The following CTNNA2 variants were observed in gnomAD, a reference collection of about 807,000 sequenced individuals.
CTNNA2 encodes catenin alpha 2.
Under a neutral mutation model 101.0 loss-of-function variants are expected in CTNNA2, and 42 were observed. The observed-to-expected ratio is 0.42, with a 90% CI of 0.32 to 0.54. The LOEUF (loss-of-function observed/expected upper bound fraction) is 0.54. CTNNA2 is among the 20% of genes least tolerant of loss of function. CTNNA2 has a pLI of 0.14. For missense variants in CTNNA2, 871 were observed against 1,223.1 expected (o/e 0.71, Z 4.29); for synonymous variants, 450 against 456.4 (o/e 0.99, Z 0.18).
rs115435800 is a variant in CTNNA2, at chr2:80,248,914, G to A, written c.1057-144297G>A. Among the ~76,000 whole-genome samples the A allele has an allele frequency of 9.6e-3, 1,458 of 152,262 alleles. 24 individuals carry two copies. The highest frequency in any genetic ancestry group is 0.033 in the African/African-American group (1,357 of 41,550). ...TACCATTGCTACTGATGAGGAATAAGGGAGGTGAAGGAATATTGTTTGATA... is the reference window on the plus strand; with the variant it reads ...TACCATTGCTACTGATGAGGAATAAAGGAGGTGAAGGAATATTGTTTGATA... On this transcript the variant is annotated intron_variant, in intron 7 of 18. Coordinates refer to ENST00000402739, the MANE Select transcript of CTNNA2 (RefSeq NM_001282597.3).
chr2:80,083,000 A>G (rs1382799867), intron 7 of CTNNA2, among the ~76,000 whole-genome samples: 1 of 152,120 alleles, frequency 6.6e-6, no homozygotes, highest in Non-Finnish European at 1.5e-5. Flanking sequence ...AAGCAGGGGT[A>G]TAGCTTCTTG....
chr2:79,394,730 A>T (rs1192192776), intron 4 of CTNNA2, among the ~76,000 whole-genome samples: 1 of 152,208 alleles, frequency 6.6e-6, no homozygotes, highest in Non-Finnish European at 1.5e-5. Flanking sequence ...CCAAAGCCTG[A>T]ATTACATAGT....
intron 7 of CTNNA2, among the ~76,000 whole-genome samples, chr2:80,339,788 A>G (rs546961212): frequency 1.2e-4 from 19 of 152,326 alleles, no homozygotes; most frequent in African/African-American, 3.6e-4. Context: ...ACTAGGTATA[A>G]CTGAAGAAAT....
chr2:79,329,401 T>G (rs973564987), intron 3 of CTNNA2, among the ~76,000 whole-genome samples: 4 of 152,186 alleles, frequency 2.6e-5, no homozygotes, highest in African/African-American at 9.7e-5. Context: ...AAATTACTTG[T>G]CTAACTTGTG....
At chr2:80,240,583 CA>C (rs1307271068) in intron 7 of CTNNA2, among the ~76,000 whole-genome samples, 2 of 152,068 alleles carry the variant, frequency 1.3e-5, no homozygotes, top group African/African-American at 4.8e-5. Context: ...ATTTTGTGTC[CA>C]AATCTTTGTT....
intron 4 of CTNNA2, among the ~76,000 whole-genome samples, chr2:79,415,243 A>T (rs943712689): frequency 4.6e-5 from 7 of 152,198 alleles, no homozygotes; most frequent in African/African-American, 1.7e-4. Flanking sequence ...TGGCACCTCC[A>T]CCACTCCGTC....
rs183281139 is a variant in CTNNA2 at position 79,805,135 on chromosome 2, C to T, written c.299-52878C>T. Among the ~76,000 whole-genome samples, 5 of 152,246 alleles carry T rather than the reference C, an allele frequency of 3.3e-5. No homozygotes were observed. In the East Asian group the frequency reaches 5.8e-4, roughly 18 times the overall value. ...CTAGGAAAAGGCCTGTTCTTTTTGA[C>T]GATTGTGTAATAAGCCCAAGGGGAC... On this transcript the variant is annotated intron_variant, in intron 3 of 18. Coordinates refer to ENST00000402739, the MANE Select transcript of CTNNA2 (RefSeq NM_001282597.3).
At position 79,311,013 on chromosome 2, in the gene CTNNA2, A is replaced by C. The variant is rs72818630; in HGVS notation, c.-405-1696A>C. Among the ~76,000 whole-genome samples, 1,381 of 152,306 alleles carry C rather than the reference A, an allele frequency of 9.1e-3. 11 individuals carry two copies. Among genetic ancestry groups the C allele is most frequent in the Non-Finnish European group, 0.014 (969 of 68,034 alleles). On this transcript the variant is annotated intron_variant, in intron 2 of 21. Transcript: ENST00000466387. ...TACTTGTGAAATTTGAGGAATAAAG[A>C]AAGCACAGGAATTATAACTTGCATA...
At chr2:79,348,668 A>G (rs1328306931) in intron 3 of CTNNA2, among the ~76,000 whole-genome samples, 1 of 152,226 alleles carries the variant, frequency 6.6e-6, no homozygotes, top group East Asian at 1.9e-4. Context: ...TAGGTCGCAG[A>G]GATTCCCAAA....
chr2:79,726,026 C>T (rs1256832455), intron 2 of CTNNA2, among the ~76,000 whole-genome samples: 1 of 152,134 alleles, frequency 6.6e-6, no homozygotes, highest in Admixed American at 6.5e-5. Context: ...TTAGGCACAT[C>T]GGCCATATAA....
intron 7 of CTNNA2, among the ~76,000 whole-genome samples, chr2:79,946,137 T>C (rs962740187): frequency 6.6e-6 from 1 of 151,962 alleles, no homozygotes; most frequent in African/African-American, 2.4e-5. Context: ...TCAAGTCTAA[T>C]GCTCTCCCCT....
intron 8 of CTNNA2, among the ~76,000 whole-genome samples, chr2:80,397,026 G>A (rs1678083296): frequency 6.6e-6 from 1 of 152,184 alleles, no homozygotes; most frequent in Non-Finnish European, 1.5e-5. Flanking sequence ...AGCAAAACAT[G>A]TTATTGGATG....
At chr2:79,937,157 G>A (rs1311250389) in intron 7 of CTNNA2, among the ~76,000 whole-genome samples, 3 of 152,002 alleles carry the variant, frequency 2.0e-5, no homozygotes, top group Non-Finnish European at 4.4e-5. Context: ...CTACTTAATT[G>A]TCAACATCAT....
intron 2 of CTNNA2, among the ~76,000 whole-genome samples, chr2:79,731,995 T>A (rs535103379): frequency 4.6e-5 from 7 of 152,074 alleles, no homozygotes; most frequent in Non-Finnish European, 7.4e-5. Flanking sequence ...TTAAAAAAAA[T>A]TTATAAATAC....
intron 15 of CTNNA2, among the ~76,000 whole-genome samples, chr2:80,593,227 A>G (rs1696661585): frequency 1.3e-5 from 2 of 152,276 alleles, no homozygotes; most frequent in East Asian, 1.9e-4. Flanking sequence ...GTGGGTCGCA[A>G]TTTTAAAATG....
chr2:79,335,761 T>G lies in CTNNA2; in HGVS notation c.-318+22965T>G, dbSNP rs967206694. On this transcript the variant is annotated intron_variant, in intron 3 of 21. Transcript: ENST00000466387. ...GGTGGTTCATGAAAGCTAAGATTTATTTTTAGGAAAGAACAGCTCAATCTA... is the reference window on the plus strand; with the variant it reads ...GGTGGTTCATGAAAGCTAAGATTTAGTTTTAGGAAAGAACAGCTCAATCTA... 3.3e-5 allele frequency among the ~76,000 whole-genome samples: 5 copies of G among 152,320 alleles called. No individual in the cohort carries two copies. The East Asian group carries it at 9.7e-4, about 29-fold the overall frequency.
intron 7 of CTNNA2, among the ~76,000 whole-genome samples, chr2:80,232,366 T>TC: frequency 1.6e-5 from 1 of 60,996 alleles, no homozygotes; most frequent in East Asian, 4.5e-4. Context: ...TTTTTTTTTT[T>TC]TTTTTTTTTT....
At chr2:80,634,432 TGACTGGTCTTTCTGAGCAGTAAACAA>T (rs1245709322) in intron 18 of CTNNA2, among the ~76,000 whole-genome samples, 1 of 152,074 alleles carries the variant, frequency 6.6e-6, no homozygotes, top group Non-Finnish European at 1.5e-5. Flanking sequence ...ATTGCAAACA[TGACTGGTCTTTCTGAGCAGTAAACAA>T]GAAACCAGTA....
At chr2:79,218,311 TTGTGTGTGTGTGTGTGTGTGTG>T (rs60680995) in intron 2 of CTNNA2, among the ~76,000 whole-genome samples, 5 of 114,770 alleles carry the variant, frequency 4.4e-5, no homozygotes, top group South Asian at 3.4e-4. Context: ...TTCATGAACT[TTGTGTGTGTGTGTGTGTGTGTG>T]TGTGTGTGTG....
Sources: allele counts gnomAD v4.1 joint callset (sites outside exome capture counted in the v4.1 genomes callset), GRCh38; gene constraint gnomAD v4.1.1; transcripts MANE v1.5; gene names NCBI Gene and HGNC (gene_info 2026-07-23, HGNC 2026-07-21).